Variants in PLEKHA7 observed in about 807,000 individuals in gnomAD.
PLEKHA7 encodes the protein pleckstrin homology domain containing A7.
A neutral mutation model predicts 170.0 loss-of-function variants in PLEKHA7; 104 were observed. That is an observed-to-expected ratio of 0.61 (90% CI 0.52 to 0.72). PLEKHA7 has a LOEUF of 0.72. PLEKHA7 is among the 30% of genes least tolerant of loss of function. PLEKHA7 has a pLI of 0.00. For missense variants in PLEKHA7, 1,615 were observed against 1,671.7 expected (o/e 0.97, Z 0.59); for synonymous variants, 648 against 660.8 (o/e 0.98, Z 0.30).
intron 12 of PLEKHA7, among the ~76,000 whole-genome samples, chr11:16,813,789 G>A (rs559721016): frequency 3.9e-5 from 6 of 152,304 alleles, no homozygotes; most frequent in Admixed American, 2.0e-4. Flanking sequence ...GCAGGTGCAA[G>A]GTCAGACCTA....
chr11:16,906,281 A>AGGAAGGAAGGAG (rs1156765727), intron 3 of PLEKHA7, among the ~76,000 whole-genome samples: 1 of 113,886 alleles, frequency 8.8e-6, no homozygotes, highest in African/African-American at 3.7e-5. Context: ...GAAGGAAGGA[A>AGGAAGGAAGGAG]AGAAAGAAAA....
intron 8 of PLEKHA7, among the ~76,000 whole-genome samples, chr11:16,848,403 A>G (rs770591980): frequency 6.6e-6 from 1 of 152,232 alleles, no homozygotes; most frequent in Admixed American, 6.5e-5. Flanking sequence ...GGACCTTAAC[A>G]TTTTTTGTGG....
chr11:16,884,647 AAAAG>A (rs1394003824), intron 3 of PLEKHA7, among the ~76,000 whole-genome samples: 3 of 46,344 alleles, frequency 6.5e-5, no homozygotes, highest in Non-Finnish European at 2.1e-4. Flanking sequence ...AAAAGAAAAG[AAAAG>A]AAAAGAAAAA....
At chr11:16,974,193 G>A (rs1198243095) in intron 3 of PLEKHA7, among the ~76,000 whole-genome samples, 1 of 151,714 alleles carries the variant, frequency 6.6e-6, no homozygotes, top group African/African-American at 2.4e-5. Context: ...CTGAGCCCAG[G>A]GAGGTCGAGG....
chr11:16,832,769 G>A (rs1851218521), intron 9 of PLEKHA7, among the ~76,000 whole-genome samples: 1 of 152,132 alleles, frequency 6.6e-6, no homozygotes, highest in South Asian at 2.1e-4. Context: ...GACCAAACTA[G>A]GAGCCTAAGA....
chr11:16,825,616 A>G (rs1850574089), intron 10 of PLEKHA7, among the ~76,000 whole-genome samples: 1 of 152,220 alleles, frequency 6.6e-6, no homozygotes, highest in Non-Finnish European at 1.5e-5. Context: ...CCTTCTAAAT[A>G]ATTAAAAACT....
chr11:16,907,220 TCCC>T lies in PLEKHA7; in HGVS notation c.222-36041_222-36039del, dbSNP rs1176346126. 7.2e-5 allele frequency among the ~76,000 whole-genome samples: 5 copies of T among 69,510 alleles called. 1 individual carries two copies. In the East Asian group the frequency reaches 1.9e-3, roughly 27 times the overall value. The allele number at this position is 69,510 out of a possible 152,430, so 45.6% of individuals were successfully genotyped here. A position where few individuals can be genotyped will look rare whatever the true frequency, so the allele number is the denominator to read the frequency against. On this transcript the variant is annotated intron_variant, in intron 3 of 26. Transcript: ENST00000531066. ...ATCCGGGAGGGAGGTGGGGGGGTCA[TCCC>T]CCCACCTGGCCAGCCGCCCCGTCCG...
At chr11:16,936,041 G>C (rs112467382) in intron 3 of PLEKHA7, among the ~76,000 whole-genome samples, 1 of 152,156 alleles carries the variant, frequency 6.6e-6, no homozygotes, top group South Asian at 2.1e-4. Context: ...ACTGAGCCAG[G>C]AGAACATCCC....
intron 3 of PLEKHA7, among the ~76,000 whole-genome samples, chr11:16,935,039 C>T (rs969157431): frequency 1.1e-4 from 16 of 152,196 alleles, no homozygotes; most frequent in African/African-American, 3.6e-4. Context: ...AAACTAGGAA[C>T]AAGACGCCAG....
chr11:16,788,908 G>T, intron 23 of PLEKHA7, 188 bp downstream of exon 23: 1 of 702,826 alleles, frequency 1.4e-6, no homozygotes, highest in Non-Finnish European at 2.3e-6. Flanking sequence ...CTCTGGTTCA[G>T]GTCACCCTCT....
At chr11:16,968,656 C>T (rs1048063166) in intron 3 of PLEKHA7, among the ~76,000 whole-genome samples, 10 of 152,158 alleles carry the variant, frequency 6.6e-5, no homozygotes, top group African/African-American at 1.9e-4. Context: ...TGCAGCGGAA[C>T]AACACAGTTT....
At chr11:16,849,317 A>G (rs1852726332) in intron 8 of PLEKHA7, among the ~76,000 whole-genome samples, 1 of 152,248 alleles carries the variant, frequency 6.6e-6, no homozygotes, top group Non-Finnish European at 1.5e-5. Context: ...ATGTTACTTT[A>G]AAGACATGCC....
intron 21 of PLEKHA7, chr11:16,790,117 C>G: frequency 1.9e-6 from 1 of 524,938 alleles, no homozygotes; most frequent in Non-Finnish European, 3.4e-6. Flanking sequence ...GTGGACCACC[C>G]CAGGCTTCCC....
At chr11:16,985,543 G>A (rs1863673188) in intron 3 of PLEKHA7, among the ~76,000 whole-genome samples, 1 of 151,960 alleles carries the variant, frequency 6.6e-6, no homozygotes, top group African/African-American at 2.4e-5. Flanking sequence ...TGGGGTGGGG[G>A]TGGGGACAGC....
At chr11:16,838,788 G>A (rs1029369955) in intron 9 of PLEKHA7, among the ~76,000 whole-genome samples, 7 of 141,874 alleles carry the variant, frequency 4.9e-5, no homozygotes, top group African/African-American at 1.5e-4. Context: ...CCGGGTTCAC[G>A]CCATTCTCCT....
chr11:16,864,376 T>C (rs1854216816), intron 4 of PLEKHA7, among the ~76,000 whole-genome samples: 1 of 152,176 alleles, frequency 6.6e-6, no homozygotes, highest in Non-Finnish European at 1.5e-5. Context: ...AGCAATACTA[T>C]TAATATTATT....
chr11:16,953,369 CT>C (rs1565150522), intron 3 of PLEKHA7, among the ~76,000 whole-genome samples: 2 of 152,156 alleles, frequency 1.3e-5, no homozygotes, highest in African/African-American at 4.8e-5. Context: ...TAAGAAAGTT[CT>C]TTTGTGAATC....
At chr11:16,807,419 T>C (rs1476175919) in intron 13 of PLEKHA7, among the ~76,000 whole-genome samples, 2 of 152,168 alleles carry the variant, frequency 1.3e-5, no homozygotes, top group East Asian at 1.9e-4. Flanking sequence ...CCATGGGCCA[T>C]GGGACCTTCC....
intron 3 of PLEKHA7, among the ~76,000 whole-genome samples, chr11:16,942,784 C>T (rs1019445161): frequency 6.6e-6 from 1 of 152,222 alleles, no homozygotes; most frequent in Non-Finnish European, 1.5e-5. Context: ...AAAATTCAAT[C>T]TAAGCAAAGC....
Sources: gnomAD v4.1 joint callset for allele counts (sites outside exome capture counted in the v4.1 genomes callset) on GRCh38, gnomAD v4.1.1 for gene constraint, MANE v1.5 for transcripts, NCBI Gene and HGNC (gene_info 2026-07-23, HGNC 2026-07-21) for gene names.